The following ABL1 variants were observed in gnomAD, a reference collection of about 807,000 sequenced individuals.
ABL1 encodes the protein ABL proto-oncogene 1, non-receptor tyrosine kinase.
In ABL1, 11 loss-of-function variants were observed where a neutral mutation model predicts 94.7. The observed-to-expected ratio is 0.12, with a 90% CI of 0.07 to 0.19. ABL1 has a LOEUF of 0.19. Among genes scored for constraint, ABL1 ranks in the 10% least tolerant of loss-of-function variants. The pLI is 1.00. For synonymous variants in ABL1, 656 were observed against 622.4 expected, an observed-to-expected ratio of 1.05 and a Z score of -0.80; for missense variants, 1,082 against 1,489.4, an observed-to-expected ratio of 0.73 and a Z score of 4.50.
chr9:130,734,177 CA>C (rs751937456), intron 1 of ABL1, among the ~76,000 whole-genome samples: 7 of 151,540 alleles, frequency 4.6e-5, no homozygotes, highest in Non-Finnish European at 7.4e-5. Flanking sequence ...TTAATTTTTT[CA>C]CAATTTCGTG....
chr9:130,758,501 C>T (rs996590585), intron 1 of ABL1, among the ~76,000 whole-genome samples: 8 of 150,110 alleles, frequency 5.3e-5, no homozygotes, highest in South Asian at 2.1e-4. Flanking sequence ...GGCGCAGTCT[C>T]GACTCACTGT....
At chr9:130,875,951 C>G (rs537356821) in intron 7 of ABL1, among the ~76,000 whole-genome samples, 3 of 152,286 alleles carry the variant, frequency 2.0e-5, no homozygotes, top group South Asian at 2.1e-4. Context: ...CCTCAGCCTC[C>G]TGAGTAGCTG....
intron 1 of ABL1, among the ~76,000 whole-genome samples, chr9:130,729,145 C>T (rs1263494982): frequency 6.6e-6 from 1 of 152,118 alleles, no homozygotes; most frequent in Non-Finnish European, 1.5e-5. Context: ...ACTCTTTAGA[C>T]TTAATGCTTG....
chr9:130,744,068 A>C (rs1831853063), intron 1 of ABL1, among the ~76,000 whole-genome samples: 1 of 151,836 alleles, frequency 6.6e-6, no homozygotes, highest in Admixed American at 6.6e-5. Context: ...AACATTTATT[A>C]ACTTTTTTTT....
chr9:130,827,337 C>G (rs1411568137), intron 1 of ABL1, among the ~76,000 whole-genome samples: 3 of 152,096 alleles, frequency 2.0e-5, no homozygotes, highest in African/African-American at 7.2e-5. Flanking sequence ...CTACAGATAC[C>G]AACATTTAGG....
In ABL1 at chr9:130,887,313, G is replaced by A. The variant is rs1258251502; in HGVS notation, c.*1630G>A. 13 of 233,122 alleles carry A rather than the reference G, an allele frequency of 5.6e-5. No individual in the cohort carries two copies. Among genetic ancestry groups the A allele is most frequent in the Non-Finnish European group, 1.7e-5 (2 of 118,030 alleles). The allele number at this position is 233,122 out of a possible 1,614,324, so 14.4% of individuals were successfully genotyped here. ...TACAGCACATCACCTCTTTGCCCCC[G>A]ACGGCTGTGACGCAGCCGGAGGGAG... On this transcript the variant is annotated 3_prime_UTR_variant, in exon 11 of 11. Transcript: ENST00000318560.
intron 1 of ABL1, among the ~76,000 whole-genome samples, chr9:130,839,418 A>G (rs1830635884): frequency 6.6e-6 from 1 of 152,228 alleles, no homozygotes; most frequent in African/African-American, 2.4e-5. Flanking sequence ...TAACAAAGAA[A>G]GTGAGACTCT....
intron 1 of ABL1, among the ~76,000 whole-genome samples, chr9:130,723,861 G>A (rs1416969807): frequency 6.6e-6 from 1 of 151,840 alleles, no homozygotes; most frequent in Non-Finnish European, 1.5e-5. Context: ...ACCCAGGCTG[G>A]AGTGCAGTGG....
chr9:130,880,615 C>T lies in ABL1; in HGVS notation c.1629C>T (p.Asp543=). The part of the protein sequence containing the change: ...RTSRRAAEHR[D]TTDVPEMPHS... Reference sequence around the variant, plus strand: ...CCAGGAGAGCTGCAGAGCACAGAGACACCACTGACGTGCCTGAGATGCCTC... The same window carrying T: ...CCAGGAGAGCTGCAGAGCACAGAGATACCACTGACGTGCCTGAGATGCCTC... The change falls in exon 10 of 11, where the codon GAC becomes GAT. Residue 543 remains aspartate (D), a synonymous_variant. Transcript: ENST00000318560. The surrounding 1 kb of genome is among the most constrained non-coding windows in gnomAD (Gnocchi z 4.4). 1.2e-6 allele frequency: 2 copies of T among 1,613,824 alleles called. No homozygotes were observed. The highest frequency in any genetic ancestry group is 1.7e-6 in the Non-Finnish European group (2 of 1,179,868).
At chr9:130,751,312 T>G (rs1272425974) in intron 1 of ABL1, among the ~76,000 whole-genome samples, 1 of 151,528 alleles carries the variant, frequency 6.6e-6, no homozygotes, top group Admixed American at 6.6e-5. Flanking sequence ...CAGCTAAATT[T>G]TTGTATTTTT....
At chr9:130,879,728 C>G (rs1220295226) in intron 8 of ABL1, among the ~76,000 whole-genome samples, 1 of 152,160 alleles carries the variant, frequency 6.6e-6, no homozygotes, top group Admixed American at 6.5e-5. Flanking sequence ...ACTTTGATAA[C>G]CGTGAAGAAA....
intron 1 of ABL1, among the ~76,000 whole-genome samples, chr9:130,720,203 A>G (rs967460945): frequency 6.6e-6 from 1 of 152,152 alleles, no homozygotes. Context: ...GTGGGAGGAG[A>G]CACATCATAA....
intron 1 of ABL1, among the ~76,000 whole-genome samples, chr9:130,812,671 C>G (rs1406170403): frequency 6.6e-6 from 1 of 152,080 alleles, no homozygotes; most frequent in Non-Finnish European, 1.5e-5. Context: ...AACAGAGATT[C>G]AAAATACAAA....
At chr9:130,841,936 TAG>T (rs35461924) in intron 1 of ABL1, among the ~76,000 whole-genome samples, 25 of 137,180 alleles carry the variant, frequency 1.8e-4, no homozygotes, top group Non-Finnish European at 1.9e-4. Flanking sequence ...GGGAAGGAGA[TAG>T]AGAGAGAGAG....
At chr9:130,767,150 G>A (rs1832194383) in intron 1 of ABL1, among the ~76,000 whole-genome samples, 1 of 152,204 alleles carries the variant, frequency 6.6e-6, no homozygotes, top group African/African-American at 2.4e-5. Context: ...GATGGCCCAG[G>A]CCACAGTACC....
At chr9:130,851,828 A>G (rs1830870655) in intron 1 of ABL1, among the ~76,000 whole-genome samples, 1 of 143,110 alleles carries the variant, frequency 7.0e-6, no homozygotes, top group East Asian at 2.0e-4. Context: ...GTACAGTGGC[A>G]CAATCTCGGC....
At chr9:130,777,585 C>T (rs1292446418) in intron 1 of ABL1, among the ~76,000 whole-genome samples, 2 of 110,484 alleles carry the variant, frequency 1.8e-5, no homozygotes, top group African/African-American at 3.8e-5. Flanking sequence ...GCAGGGGAAT[C>T]GAGGAACCTC....
chr9:130,714,616 A>G (rs34617583), intron 1 of ABL1: 5 of 984,810 alleles, frequency 5.1e-6, no homozygotes, highest in Non-Finnish European at 8.1e-6. Flanking sequence ...TGTATAAGAA[A>G]AAGTTACTTC....
At chr9:130,755,364 CAG>C (rs1389856334) in intron 1 of ABL1, among the ~76,000 whole-genome samples, 1 of 152,106 alleles carries the variant, frequency 6.6e-6, no homozygotes, top group African/African-American at 2.4e-5. Flanking sequence ...GTGACATTCA[CAG>C]AGTAGGGTGG....
Sources: allele counts gnomAD v4.1 joint callset (sites outside exome capture counted in the v4.1 genomes callset), GRCh38; gene constraint gnomAD v4.1.1; non-coding constraint Gnocchi (gnomAD v3.1); transcripts MANE v1.5; gene names NCBI Gene and HGNC (gene_info 2026-07-23, HGNC 2026-07-21).